TTC6: variants seen among roughly 807,000 people sequenced by gnomAD.
TTC6 encodes tetratricopeptide repeat domain 6.
TTC6 carries 172 observed loss-of-function variants against 210.4 expected under a neutral mutation model. The observed-to-expected ratio is 0.82, with a 90% confidence interval of 0.72 to 0.93. The LOEUF (loss-of-function observed/expected upper bound fraction) is 0.93, where lower values mean the gene tolerates loss of function less well. Among genes scored for constraint, TTC6 ranks in the 40% least tolerant of loss-of-function variants. The pLI is 0.00. For synonymous variants in TTC6, 804 were observed against 819.6 expected (o/e 0.98, Z 0.32); for missense variants, 2,414 against 2,318.1 (o/e 1.04, Z -0.85).
At chr14:37,833,564 A>G (rs2096191011) in intron 29 of TTC6, among the ~76,000 whole-genome samples, 2 of 152,098 alleles carry the variant, frequency 1.3e-5, no homozygotes, top group Non-Finnish European at 1.5e-5. Context: ...CAGTCAGTCT[A>G]TATCTTTTAA....
At chr14:37,708,795 T>C (rs2095839875) in intron 5 of TTC6, among the ~76,000 whole-genome samples, 1 of 152,128 alleles carries the variant, frequency 6.6e-6, no homozygotes, top group Non-Finnish European at 1.5e-5. Context: ...TACTATTGCT[T>C]GTTCCCTCCT....
At chr14:37,626,901 G>A (rs2095661351) in intron 1 of TTC6, among the ~76,000 whole-genome samples, 1 of 152,128 alleles carries the variant, frequency 6.6e-6, no homozygotes, top group African/African-American at 2.4e-5. Context: ...AGGCTGAATG[G>A]GGAGCCTGTA....
intron 1 of TTC6, among the ~76,000 whole-genome samples, chr14:37,674,961 A>G (rs1387144227): frequency 2.6e-5 from 4 of 152,110 alleles, no homozygotes; most frequent in Non-Finnish European, 4.4e-5. Context: ...TCATGTATAA[A>G]TTTTACTACT....
At position 37,670,478 on chromosome 14, in the gene TTC6, T is replaced by C. The variant is rs2095756163; in HGVS notation, c.940-9673T>C. ...GATCTAGCACAAACTACCTCACTTTTTTTTTTTTTTTTTTTTTAGTCTCCC... is the reference window on the plus strand; with the variant it reads ...GATCTAGCACAAACTACCTCACTTTCTTTTTTTTTTTTTTTTTAGTCTCCC... On this transcript the variant is annotated intron_variant, in intron 1 of 30. Coordinates refer to ENST00000553443, the Ensembl canonical transcript of TTC6. Among the ~76,000 whole-genome samples, 5 of 147,294 alleles carry C rather than the reference T, an allele frequency of 3.4e-5. 1 individual carries two copies. The South Asian group carries it at 1.1e-3, about 33-fold the overall frequency.
At chr14:37,752,755 T>C (rs1350597966) in intron 13 of TTC6, among the ~76,000 whole-genome samples, 1 of 152,158 alleles carries the variant, frequency 6.6e-6, no homozygotes, top group Non-Finnish European at 1.5e-5. Context: ...TAATATGTTA[T>C]GTCTTTAGGA....
At chr14:37,647,586 T>A (rs1337868038) in intron 1 of TTC6, among the ~76,000 whole-genome samples, 1 of 151,052 alleles carries the variant, frequency 6.6e-6, no homozygotes, top group Non-Finnish European at 1.5e-5. Context: ...ATTGTGAGGT[T>A]GATTTTAGAC....
At chr14:37,701,380 C>T in exon 5 of TTC6, 3 of 1,523,794 alleles carry the variant, frequency 2.0e-6, no homozygotes, top group Non-Finnish European at 2.6e-6. Flanking sequence ...TGTGCACCAC[C>T]ATCCCAGCCC....
At chr14:37,693,021 A>G (rs977482093) in intron 3 of TTC6, among the ~76,000 whole-genome samples, 4 of 152,116 alleles carry the variant, frequency 2.6e-5, no homozygotes, top group African/African-American at 9.7e-5. Flanking sequence ...ACTGTTATTC[A>G]ACATCATACT....
intron 14 of TTC6, 99 bp from the exon 17 acceptor site, chr14:37,787,369 A>G: frequency 1.1e-6 from 1 of 882,312 alleles, no homozygotes; most frequent in African/African-American, 1.7e-5. Flanking sequence ...AGAAACATTT[A>G]CAAATTGTTA....
At chr14:37,710,992 C>T (rs1489199998) in intron 5 of TTC6, among the ~76,000 whole-genome samples, 2 of 152,080 alleles carry the variant, frequency 1.3e-5, no homozygotes, top group African/African-American at 2.4e-5. Flanking sequence ...CTGGCTATAA[C>T]ACAGATAGCT....
In TTC6 at chr14:37,738,813, T is replaced by TCA; in HGVS notation, c.2022_2023dup (p.Ile675ThrfsTer2). 6.5e-7 allele frequency: 1 copy of TCA among 1,528,954 alleles called. No individual in the cohort carries two copies. Among genetic ancestry groups the TCA allele is most frequent in the Non-Finnish European group, 8.7e-7 (1 of 1,144,934 alleles). The allele number at this position is 1,528,954 out of a possible 1,614,324, so 94.7% of individuals were successfully genotyped here. A position where few individuals can be genotyped will look rare whatever the true frequency, so the allele number is the denominator to read the frequency against. ...TCTGTAGACTTGAGGAAGGAGAAGA[T>TCA]CATAGCTCCTTTGGAAATCAAGAAT... On this transcript the variant is annotated frameshift_variant, in exon 10 of 31. Transcript: ENST00000553443. LOFTEE classifies it high-confidence loss of function.
intron 15 of TTC6, among the ~76,000 whole-genome samples, chr14:37,788,445 A>T (rs372844704): frequency 9.2e-5 from 14 of 152,146 alleles, no homozygotes; most frequent in Admixed American, 2.6e-4. Flanking sequence ...CTAAGGTGAT[A>T]GTTACTTGAT....
intron 26 of TTC6, among the ~76,000 whole-genome samples, chr14:37,822,754 G>A (rs960613600): frequency 6.6e-6 from 1 of 152,144 alleles, no homozygotes; most frequent in Non-Finnish European, 1.5e-5. Context: ...GTGTGGAAAA[G>A]CATGGATTTT....
At chr14:37,750,346 C>A (rs2095948062) in intron 12 of TTC6, among the ~76,000 whole-genome samples, 1 of 152,174 alleles carries the variant, frequency 6.6e-6, no homozygotes, top group Non-Finnish European at 1.5e-5. Context: ...ACAACATACC[C>A]ATAAAATAAA....
At chr14:37,755,383 T>A (rs568840709) in intron 14 of TTC6, among the ~76,000 whole-genome samples, 1 of 152,374 alleles carries the variant, frequency 6.6e-6, no homozygotes, top group African/African-American at 2.4e-5. Context: ...TTTAGTTTAA[T>A]TAGATCCCAT....
intron 1 of TTC6, among the ~76,000 whole-genome samples, chr14:37,664,937 A>G (rs1046118941): frequency 3.3e-5 from 5 of 150,812 alleles, no homozygotes; most frequent in African/African-American, 1.2e-4. Context: ...GAAAATCAGA[A>G]CCACAATGAG....
intron 20 of TTC6, among the ~76,000 whole-genome samples, chr14:37,798,797 A>G (rs899967807): frequency 6.6e-6 from 1 of 152,158 alleles, no homozygotes; most frequent in African/African-American, 2.4e-5. Context: ...TTATCAAATA[A>G]TTTTTCATCA....
intron 9 of TTC6, among the ~76,000 whole-genome samples, chr14:37,737,948 C>A (rs2095906468): frequency 6.6e-6 from 1 of 151,726 alleles, no homozygotes; most frequent in Non-Finnish European, 1.5e-5. Context: ...TCTTAAAGTA[C>A]ATAACTGGCT....
intron 1 of TTC6, among the ~76,000 whole-genome samples, chr14:37,599,982 A>G (rs1490280870): frequency 6.6e-6 from 1 of 152,076 alleles, no homozygotes; most frequent in African/African-American, 2.4e-5. Context: ...CATCCAGCCG[A>G]TCCCCCTCCT....
Sources: gnomAD v4.1 joint callset for allele counts (sites outside exome capture counted in the v4.1 genomes callset) on GRCh38, gnomAD v4.1.1 for gene constraint, MANE v1.5 for transcripts, NCBI Gene and HGNC (gene_info 2026-07-23, HGNC 2026-07-21) for gene names.